FANCD2: variants seen among roughly 807,000 people sequenced by gnomAD.
FANCD2 encodes the protein FA complementation group D2, also known as Fanconi anemia group D2 protein.
A neutral mutation model predicts 192.3 loss-of-function variants in FANCD2; 131 were observed. The observed-to-expected ratio is 0.68, with a 90% CI of 0.59 to 0.79. The LOEUF (loss-of-function observed/expected upper bound fraction) is 0.79, where lower values mean the gene tolerates loss of function less well. Ranked by LOEUF, FANCD2 falls within the 30% of genes least tolerant of loss-of-function variation. FANCD2 has a pLI of 0.00. For missense variants in FANCD2, 1,508 were observed against 1,701.6 expected (o/e 0.89, Z 2.00); for synonymous variants, 524 against 612.5 (o/e 0.86, Z 2.13).
At chr3:10,071,385 G>T (rs1342286601) in intron 26 of FANCD2, among the ~76,000 whole-genome samples, 2 of 152,232 alleles carry the variant, frequency 1.3e-5, no homozygotes, top group East Asian at 3.9e-4. Context: ...GGAGATATCT[G>T]CACTCCCATG....
At chr3:10,039,441 C>A in intron 8 of FANCD2, 84 bp downstream of exon 8, 2 of 1,206,388 alleles carry the variant, frequency 1.7e-6, no homozygotes, top group South Asian at 1.3e-5. Context: ...TCTTTCTAAA[C>A]AGAAAATTCA....
At chr3:10,028,538 G>A (rs2086513435) in intron 1 of FANCD2, 87 bp from the exon 2 acceptor site, 2 of 854,724 alleles carry the variant, frequency 2.3e-6, no homozygotes, top group Non-Finnish European at 3.9e-6. Context: ...TCTGATTTTG[G>A]ATAGAGCAGT....
intron 23 of FANCD2, among the ~76,000 whole-genome samples, 176 bp from the exon 24 acceptor site, chr3:10,065,218 G>C (rs1441325872): frequency 6.6e-6 from 1 of 152,172 alleles, no homozygotes; most frequent in Non-Finnish European, 1.5e-5. Context: ...GAACCTGGGA[G>C]GCAGAGGTTG....
chr3:10,060,086 G>A (rs1298755641), intron 18 of FANCD2, among the ~76,000 whole-genome samples: 1 of 150,746 alleles, frequency 6.6e-6, no homozygotes, highest in African/African-American at 2.5e-5. Context: ...AGAATCGTTT[G>A]AACCTGGGAG....
In FANCD2 at chr3:10,072,053, C is replaced by T. The variant is rs562286067; in HGVS notation, c.2495-818C>T. On this transcript the variant is annotated intron_variant, in intron 26 of 43. Coordinates refer to ENST00000675286, the MANE Select transcript of FANCD2 (RefSeq NM_001018115.3). ...GGGATTACAGGCATGAGCCAGAGAG[C>T]CCAGCCAAGATCTAGTTTTTGATAG... 2.6e-5 allele frequency among the ~76,000 whole-genome samples: 4 copies of T among 152,230 alleles called. No homozygotes were observed. In the South Asian group the frequency reaches 8.3e-4, roughly 32 times the overall value.
chr3:10,067,262 C>G lies in FANCD2; in HGVS notation c.2439C>G (p.Leu813=). 1.2e-6 allele frequency: 2 copies of G among 1,613,904 alleles called. No homozygotes were observed. Among genetic ancestry groups the G allele is most frequent in the Non-Finnish European group, 1.7e-6 (2 of 1,179,834 alleles). ...ETSPEMKGKV[L]TRLKHIVELQ... ...CACCTGAGATGAAGGGGAAGGTGCT[C>G]ACTCGGTTAAAGCACATTGTAGAAT... The change falls in exon 26 of 44, where the codon CTC becomes CTG. Residue 813 remains leucine, a synonymous_variant. Transcript: ENST00000675286.
At position 10,036,086 on chromosome 3, in the gene FANCD2, C is replaced by CTTTTTTTTTTTTTTT. The variant is rs532765216; in HGVS notation, c.439-196_439-182dup. On this transcript the variant is annotated intron_variant, in intron 6 of 43. Transcript: ENST00000675286. ...TAGTTGGAAAGAGAATTATACATTT[C>CTTTTTTTTTTTTTTT]TTTTTTTTTTTTTTTTTTTGAGTCA... 3.0e-4 allele frequency among the ~76,000 whole-genome samples: 31 copies of CTTTTTTTTTTTTTTT among 102,574 alleles called. 3 individuals are homozygous for CTTTTTTTTTTTTTTT. The highest frequency in any genetic ancestry group is 5.4e-4 in the African/African-American group (13 of 23,986). The allele number at this position is 102,574 out of a possible 152,430, so 67.3% of individuals were successfully genotyped here.
chr3:10,044,864 G>C (rs1185580738), intron 14 of FANCD2, among the ~76,000 whole-genome samples: 1 of 152,018 alleles, frequency 6.6e-6, no homozygotes, highest in African/African-American at 2.4e-5. Flanking sequence ...TTACATATTT[G>C]TAATCATTGT....
Position 10,074,602 on chromosome 3 carries a change from A to G in FANCD2, c.2788A>G (p.Ile930Val), listed in dbSNP as rs1267658482. The G allele has an allele frequency of 1.9e-6, 3 of 1,613,594 alleles. No homozygotes were observed. The highest frequency in any genetic ancestry group is 2.2e-5 in the East Asian group (1 of 44,844). The change falls in exon 29 of 44, where the codon ATT becomes GTT. Residue 930 changes from isoleucine to valine, a missense_variant. Coordinates refer to ENST00000675286, the MANE Select transcript of FANCD2 (RefSeq NM_001018115.3). ...NSHAFFRELD[I>V]EVFSILHCGL... is the part of the protein sequence containing the mutation. Reference sequence around the variant, plus strand: ...CCATGCTTTTTTCCGAGAGCTGGACATTGAGGTCTTCTCTATTCTACATTG... The same window carrying G: ...CCATGCTTTTTTCCGAGAGCTGGACGTTGAGGTCTTCTCTATTCTACATTG...
intron 23 of FANCD2, 68 bp downstream of exon 23, chr3:10,064,943 T>G (rs2087676770): frequency 6.5e-7 from 1 of 1,542,658 alleles, no homozygotes; most frequent in South Asian, 1.1e-5. Flanking sequence ...CCACAGCTCT[T>G]GGTGGGGAAG....
chr3:10,090,417 G>A (rs772558102), intron 37 of FANCD2, 32 bp downstream of exon 37: 20 of 1,224,630 alleles, frequency 1.6e-5, no homozygotes, highest in African/African-American at 1.1e-4. Context: ...TCAAGAAGTG[G>A]ACTTTGGATT....
Position 10,101,377 on chromosome 3 carries a change from C to CA in FANCD2, c.*115_*116insA. 1 of 388,318 alleles carries CA rather than the reference C, an allele frequency of 2.6e-6. No individual in the cohort carries two copies. 24.1% of individuals were successfully genotyped at this position (388,318 alleles called of 1,614,324 possible). A position where few individuals can be genotyped will look rare whatever the true frequency, so the allele number is the denominator to read the frequency against. On this transcript the variant is annotated 3_prime_UTR_variant, in exon 44 of 44. Coordinates refer to ENST00000675286, the MANE Select transcript of FANCD2 (RefSeq NM_001018115.3). Reference sequence around the variant, plus strand: ...ACTGGTAGGATCCTTTTTTGTTCCTCTTTTTTTTTTTTTTTTTTTTTTTTT... The same window carrying CA: ...ACTGGTAGGATCCTTTTTTGTTCCTCATTTTTTTTTTTTTTTTTTTTTTTTT...
At chr3:10,084,995 T>C (rs1446588354) in intron 32 of FANCD2, among the ~76,000 whole-genome samples, 2 of 152,138 alleles carry the variant, frequency 1.3e-5, no homozygotes, top group African/African-American at 4.8e-5. Flanking sequence ...CTGGCCAAAA[T>C]GATGGTCTAG....
At chr3:10,037,849 T>G (rs2086768996) in intron 7 of FANCD2, among the ~76,000 whole-genome samples, 1 of 152,102 alleles carries the variant, frequency 6.6e-6, no homozygotes, top group Non-Finnish European at 1.5e-5. Context: ...CAATAAGTAG[T>G]TCAGTATTTT....
intron 18 of FANCD2, among the ~76,000 whole-genome samples, chr3:10,055,471 T>C (rs575358183): frequency 6.6e-6 from 1 of 152,236 alleles, no homozygotes; most frequent in South Asian, 2.1e-4. Context: ...TCAAGGTTCA[T>C]GTAGGTTGTA....
At chr3:10,043,262 A>G in intron 12 of FANCD2, 112 bp downstream of exon 12, 1 of 864,880 alleles carries the variant, frequency 1.2e-6, no homozygotes, top group Non-Finnish European at 1.9e-6. Flanking sequence ...TACATCTAGT[A>G]TTATATTGTT....
chr3:10,031,427 G>A (rs528951364), intron 2 of FANCD2, among the ~76,000 whole-genome samples: 71 of 151,734 alleles, frequency 4.7e-4, no homozygotes, highest in African/African-American at 1.6e-3. Context: ...GCATGAACCC[G>A]GGAGGCGGAG....
Position 10,050,617 on chromosome 3 carries a change from T to C in FANCD2, c.1545+1112T>C, listed in dbSNP as rs271993. ...CAGTCTGGGCGACAGAGCAAGACTC[T>C]GTCTCAAAAAAAAAAAAAAAAAAAA... On this transcript the variant is annotated intron_variant, in intron 17 of 43. Coordinates refer to ENST00000675286, the MANE Select transcript of FANCD2 (RefSeq NM_001018115.3). 1.0e-4 allele frequency among the ~76,000 whole-genome samples: 12 copies of C among 119,170 alleles called. 1 individual carries two copies. The highest frequency in any genetic ancestry group is 2.7e-4 in the Admixed American group (3 of 11,116). 78.2% of individuals were successfully genotyped at this position (119,170 alleles called of 152,430 possible). A position where few individuals can be genotyped will look rare whatever the true frequency, so the allele number is the denominator to read the frequency against.
intron 18 of FANCD2, among the ~76,000 whole-genome samples, chr3:10,052,732 C>T (rs372202221): frequency 1.1e-4 from 17 of 151,932 alleles, no homozygotes; most frequent in Non-Finnish European, 2.4e-4. Context: ...TGAACAGACA[C>T]TTCTCAAAAG....
Sources: allele counts gnomAD v4.1 joint callset (sites outside exome capture counted in the v4.1 genomes callset), GRCh38; gene constraint gnomAD v4.1.1; transcripts MANE v1.5; gene names NCBI Gene and HGNC (gene_info 2026-07-23, HGNC 2026-07-21).